PARL: variants seen among roughly 807,000 people sequenced by gnomAD.
The protein encoded by PARL is presenilin associated rhomboid like.
Under a neutral mutation model 51.6 loss-of-function variants are expected in PARL, and 44 were observed. The observed-to-expected ratio is 0.85, with a 90% CI of 0.67 to 1.10. The LOEUF is 1.10. Ranked by LOEUF, PARL falls within the 50% of genes least tolerant of loss-of-function variation. The pLI is 0.00. For missense variants in PARL, 441 were observed against 469.5 expected (o/e 0.94, Z 0.56); for synonymous variants, 172 against 164.0 (o/e 1.05, Z -0.37).
At chr3:183,876,610 T>TAAAAAAAAAAAAAAAAAAAAAA (rs576376716) in intron 1 of PARL, among the ~76,000 whole-genome samples, 58 of 91,808 alleles carry the variant, frequency 6.3e-4, no homozygotes, top group East Asian at 1.0e-3. Flanking sequence ...ATACATTTTG[T>TAAAAAAAAAAAAAAAAAAAAAA]AAAAAAAAAA....
intron 1 of PARL, among the ~76,000 whole-genome samples, chr3:183,869,831 T>C (rs1394508969): frequency 6.6e-6 from 1 of 152,138 alleles, no homozygotes. Context: ...TATTTCCAAC[T>C]CTATACTGAA....
At chr3:183,873,796 G>A (rs1025871700) in intron 1 of PARL, among the ~76,000 whole-genome samples, 2 of 152,094 alleles carry the variant, frequency 1.3e-5, no homozygotes, top group African/African-American at 4.8e-5. Context: ...TTGGGAATCT[G>A]GACTTGAGGC....
At chr3:183,827,592 G>T (rs1041504288), downstream of PARL, among the ~76,000 whole-genome samples, 2 of 152,186 alleles carry the variant, frequency 1.3e-5, no homozygotes, top group African/African-American at 4.8e-5. Flanking sequence ...AAGAAGTGAG[G>T]ACCACCACGG....
intron 1 of PARL, among the ~76,000 whole-genome samples, chr3:183,870,573 G>A (rs1422371224): frequency 6.6e-6 from 1 of 151,910 alleles, no homozygotes; most frequent in Non-Finnish European, 1.5e-5. Context: ...CCTGGAATAC[G>A]CCACCATTTC....
intron 1 of PARL, among the ~76,000 whole-genome samples, chr3:183,871,340 T>C (rs1577377497): frequency 6.6e-6 from 1 of 152,000 alleles, no homozygotes; most frequent in South Asian, 2.1e-4. Context: ...ATAAGGAAAA[T>C]TGGAAGCCTC....
intron 4 of PARL, chr3:183,846,647 C>T (rs1729986594): frequency 4.1e-6 from 4 of 985,338 alleles, no homozygotes; most frequent in Non-Finnish European, 4.8e-6. Context: ...AAATCCCTTA[C>T]TTCATAAGCC....
Position 183,829,623 on chromosome 3 carries a change from G to A in PARL, c.1115C>T (p.Pro372Leu). ...TTACTTAGAGCCACCTCCTTTTTTG[G>A]GGCCATTAGTCCTTATTTCATGCCA... ...KIWHEIRTNG[P>L]KKGGGSK is the part of the protein sequence containing the mutation. The change falls in exon 10 of 10, where the codon CCC becomes CTC. Residue 372 changes from proline (P) to leucine (L), a missense_variant. Pro to Leu is a moderately conservative substitution (Grantham distance 98). Transcript: ENST00000317096. 6.2e-7 allele frequency: 1 copy of A among 1,613,974 alleles called. No individual in the cohort carries two copies. The highest frequency in any genetic ancestry group is 8.5e-7 in the Non-Finnish European group (1 of 1,179,988).
intron 1 of PARL, among the ~76,000 whole-genome samples, chr3:183,883,185 T>C (rs753641313): frequency 1.3e-5 from 2 of 152,252 alleles, no homozygotes; most frequent in Non-Finnish European, 2.9e-5. Context: ...AGTTTTCTTT[T>C]GCTTCCCCTT....
intron 9 of PARL, among the ~76,000 whole-genome samples, chr3:183,831,267 C>T (rs1279372600): frequency 2.0e-5 from 3 of 152,230 alleles, no homozygotes; most frequent in South Asian, 4.1e-4. Flanking sequence ...TGAGCCACTG[C>T]GCCCGGCCAC....
intron 7 of PARL, among the ~76,000 whole-genome samples, chr3:183,837,335 G>T (rs1316291725): frequency 2.0e-5 from 3 of 151,950 alleles, no homozygotes; most frequent in Admixed American, 6.6e-5. Context: ...TCTAGTCAAG[G>T]ACCAAAAAAA....
chr3:183,841,823 T>G (rs1483281015), intron 6 of PARL, among the ~76,000 whole-genome samples: 2 of 152,140 alleles, frequency 1.3e-5, no homozygotes, highest in African/African-American at 4.8e-5. Flanking sequence ...ACAAACTCAC[T>G]CTTGACAATC....
chr3:183,876,610 T>TAAA (rs576376716), intron 1 of PARL, among the ~76,000 whole-genome samples: 10 of 91,794 alleles, frequency 1.1e-4, no homozygotes, highest in Non-Finnish European at 1.6e-4. Context: ...ATACATTTTG[T>TAAA]AAAAAAAAAA....
intron 7 of PARL, among the ~76,000 whole-genome samples, chr3:183,838,036 T>TTC (rs1728844909): frequency 6.6e-6 from 1 of 151,686 alleles, no homozygotes; most frequent in Non-Finnish European, 1.5e-5. Context: ...CTTTTTTTTT[T>TTC]TTTGAGATGG....
intron 4 of PARL, among the ~76,000 whole-genome samples, chr3:183,849,498 CA>C (rs1315017969): frequency 2.0e-5 from 3 of 151,322 alleles, no homozygotes; most frequent in African/African-American, 7.3e-5. Flanking sequence ...TACAATATAC[CA>C]AAATTTATAG....
Position 183,862,769 on chromosome 3 carries a change from G to C in PARL, c.495C>G (p.Gly165=). 6.2e-7 allele frequency: 1 copy of C among 1,613,212 alleles called. No individual in the cohort carries two copies. Among genetic ancestry groups the C allele is most frequent in the South Asian group, 1.1e-5 (1 of 91,060 alleles). ...AACACAAACCTGTCACAGTCCGCTG[G>C]CCATCACTTAGGTTATTCCACCACT... ...INKWWNNLSD[G]QRTVTGIIAA... is the part of the protein sequence containing the mutation. Residue 165 remains glycine (G), a synonymous_variant, in exon 4 of 10, where the codon GGC becomes GGG. Coordinates refer to ENST00000317096, the MANE Select transcript of PARL (RefSeq NM_018622.7).
chr3:183,848,922 A>G (rs1286970323), intron 4 of PARL, among the ~76,000 whole-genome samples: 1 of 152,204 alleles, frequency 6.6e-6, no homozygotes. Context: ...TAGTAAGACA[A>G]AATAGACCTT....
chr3:183,866,853 G>T (rs1732542723), intron 2 of PARL, 88 bp from the exon 3 acceptor site: 5 of 984,888 alleles, frequency 5.1e-6, no homozygotes, highest in Non-Finnish European at 7.8e-6. Context: ...CACTGTCATT[G>T]CTTTTTACAA....
intron 4 of PARL, chr3:183,861,225 T>C (rs963211711): frequency 2.1e-6 from 2 of 963,470 alleles, no homozygotes; most frequent in Non-Finnish European, 2.5e-6. Context: ...GTCACTGACC[T>C]ATCAATTCTA....
chr3:183,870,878 ACT>A (rs1422446889), intron 1 of PARL, among the ~76,000 whole-genome samples: 1 of 151,836 alleles, frequency 6.6e-6, no homozygotes, highest in Non-Finnish European at 1.5e-5. Flanking sequence ...CTTCCCTTTA[ACT>A]TTTTTGGGCC....
Sources: allele counts gnomAD v4.1 joint callset (sites outside exome capture counted in the v4.1 genomes callset), GRCh38; gene constraint gnomAD v4.1.1; transcripts MANE v1.5; gene names NCBI Gene and HGNC (gene_info 2026-07-23, HGNC 2026-07-21).